CHODL: variants seen among roughly 807,000 people sequenced by gnomAD.
The protein encoded by CHODL is transmembrane protein MT75.
CHODL carries 29 observed loss-of-function variants against 34.5 expected under a neutral mutation model. That is an observed-to-expected ratio of 0.84 (90% confidence interval 0.63 to 1.15). The LOEUF (loss-of-function observed/expected upper bound fraction) is 1.15, where lower values mean the gene tolerates loss of function less well. Among genes scored for constraint, CHODL ranks in the 50% most tolerant of loss-of-function variants. The pLI is 0.00. For synonymous variants in CHODL, 125 were observed against 116.1 expected (o/e 1.08, Z -0.49); for missense variants, 332 against 332.5 (o/e 1.00, Z 0.01).
chr21:18,016,842 G>A (rs975755496), intron 1 of CHODL, among the ~76,000 whole-genome samples: 1 of 152,248 alleles, frequency 6.6e-6, no homozygotes, highest in Non-Finnish European at 1.5e-5. Flanking sequence ...ACTTGCATCA[G>A]TGTGGCTTGG....
At chr21:18,021,135 C>T (rs1218962306) in intron 1 of CHODL, among the ~76,000 whole-genome samples, 1 of 152,130 alleles carries the variant, frequency 6.6e-6, no homozygotes, top group African/African-American at 2.4e-5. Context: ...CCTGTTAATA[C>T]CATGGCCTTG....
chr21:17,943,469 C>T (rs1443359681), intron 1 of CHODL, among the ~76,000 whole-genome samples: 1 of 152,090 alleles, frequency 6.6e-6, no homozygotes, highest in Non-Finnish European at 1.5e-5. Flanking sequence ...TTGAGTGATA[C>T]AACAAGTGAT....
intron 5 of CHODL, among the ~76,000 whole-genome samples, chr21:18,263,576 T>C (rs1182880627): frequency 6.6e-6 from 1 of 152,098 alleles, no homozygotes; most frequent in Admixed American, 6.5e-5. Flanking sequence ...AAATTCAATA[T>C]AATGAAAATG....
intron 2 of CHODL, among the ~76,000 whole-genome samples, chr21:18,174,061 T>C (rs543248945): frequency 1.1e-5 from 1 of 94,588 alleles, no homozygotes; most frequent in East Asian, 2.3e-4. Context: ...TCATAAATAG[T>C]TTTTTGGCAG....
At chr21:18,093,943 G>A (rs1028141292) in intron 2 of CHODL, among the ~76,000 whole-genome samples, 1 of 151,988 alleles carries the variant, frequency 6.6e-6, no homozygotes, top group African/African-American at 2.4e-5. Context: ...TACACTTGCT[G>A]AATGGAAGAT....
At chr21:18,105,232 G>C (rs966489671) in intron 2 of CHODL, among the ~76,000 whole-genome samples, 2 of 152,178 alleles carry the variant, frequency 1.3e-5, no homozygotes, top group African/African-American at 4.8e-5. Flanking sequence ...ACAGCTGCAT[G>C]CCAGTGTGCA....
rs71189585 is a variant in CHODL at position 18,128,296 on chromosome 21, CAAAAAAAAAAAAAAAAAAAAAAAAAAAAA to C, written c.-45+100342_-45+100370del. ...AGCCTGGGTGACAGAGCAAGAGTCT[CAAAAAAAAAAAAAAAAAAAAAAAAAAAAA>C]AAAAAAAAAAAAAAAAGAAGAAGAA... On this transcript the variant is annotated intron_variant, in intron 2 of 6. Coordinates refer to the CHODL transcript ENST00000400127. Among the ~76,000 whole-genome samples the C allele has an allele frequency of 1.1e-3, 32 of 28,064 alleles. No homozygotes were observed. In the South Asian group the frequency reaches 0.058, roughly 50 times the overall value. The allele number at this position is 28,064 out of a possible 152,430, so 18.4% of individuals were successfully genotyped here. A position where few individuals can be genotyped will look rare whatever the true frequency, so the allele number is the denominator to read the frequency against.
rs150292863 is a variant in CHODL, at chr21:18,096,425, C to A, written c.-45+68454C>A. Among the ~76,000 whole-genome samples, 1,376 of 152,184 alleles carry A rather than the reference C, an allele frequency of 9.0e-3. 63 individuals carry two copies. In the East Asian group the frequency reaches 0.11, roughly 12 times the overall value. On this transcript the variant is annotated intron_variant, in intron 2 of 6. Transcript: ENST00000400127. The stretch of plus-strand genomic sequence containing the variant: ...GTCATATTTCTCTTCTTGCAGAAAG[C>A]GAATAGGAGAAATATTGCTGAATTA...
chr21:17,992,125 G>A (rs1248064861), intron 1 of CHODL, among the ~76,000 whole-genome samples: 1 of 152,088 alleles, frequency 6.6e-6, no homozygotes, highest in Non-Finnish European at 1.5e-5. Flanking sequence ...TTGAAAATAA[G>A]TTGGCTATGA....
intron 1 of CHODL, among the ~76,000 whole-genome samples, chr21:17,951,338 A>G (rs2146342009): frequency 6.6e-6 from 1 of 152,268 alleles, no homozygotes; most frequent in African/African-American, 2.4e-5. Context: ...ATTCTGTTCA[A>G]CTGTGTCTTT....
intron 2 of CHODL, among the ~76,000 whole-genome samples, chr21:18,224,232 C>T (rs2073910271): frequency 6.6e-6 from 1 of 152,114 alleles, no homozygotes; most frequent in Non-Finnish European, 1.5e-5. Context: ...TTTAGACCCC[C>T]TTGACAGACA....
chr21:18,174,150 T>TCTTG (rs2073273145), intron 2 of CHODL, among the ~76,000 whole-genome samples: 1 of 119,364 alleles, frequency 8.4e-6, no homozygotes, highest in Admixed American at 8.4e-5. Context: ...TATATATATA[T>TCTTG]ATATATATAT....
intron 1 of CHODL, among the ~76,000 whole-genome samples, chr21:17,943,734 C>G (rs562547526): frequency 1.3e-5 from 2 of 152,258 alleles, no homozygotes; most frequent in Admixed American, 1.3e-4. Flanking sequence ...CTCTCTGTCC[C>G]CCAAGTCAGC....
intron 2 of CHODL, among the ~76,000 whole-genome samples, chr21:18,150,966 C>T (rs532838659): frequency 8.6e-5 from 13 of 151,626 alleles, no homozygotes; most frequent in Non-Finnish European, 1.9e-4. Context: ...CACCTGTAAT[C>T]CTAGCTACTC....
intron 2 of CHODL, among the ~76,000 whole-genome samples, chr21:18,186,408 A>T (rs989723940): frequency 6.7e-6 from 1 of 150,058 alleles, no homozygotes; most frequent in African/African-American, 2.5e-5. Context: ...AAAAAAAAAA[A>T]TTAAAAAAAA....
At chr21:18,222,524 G>C (rs1005291456) in intron 2 of CHODL, among the ~76,000 whole-genome samples, 1 of 152,130 alleles carries the variant, frequency 6.6e-6, no homozygotes, top group Admixed American at 6.6e-5. Flanking sequence ...GGGCCTGTGA[G>C]AGCTGAGGGG....
intron 2 of CHODL, among the ~76,000 whole-genome samples, chr21:18,059,219 A>C (rs1355760890): frequency 6.6e-6 from 1 of 152,198 alleles, no homozygotes; most frequent in Non-Finnish European, 1.5e-5. Context: ...GTGAGGACAC[A>C]TGAAAGCGGC....
chr21:18,163,339 TA>T (rs1455623056), intron 2 of CHODL, among the ~76,000 whole-genome samples: 6 of 152,230 alleles, frequency 3.9e-5, no homozygotes, highest in African/African-American at 2.4e-5. Flanking sequence ...TGTCACTTTC[TA>T]AAAAAGTTAC....
intron 1 of CHODL, among the ~76,000 whole-genome samples, chr21:17,980,054 C>A (rs1274604285): frequency 6.6e-6 from 1 of 151,134 alleles, no homozygotes; most frequent in Non-Finnish European, 1.5e-5. Context: ...TGGGAATTGT[C>A]CCCTTCTTTT....
Sources: gnomAD v4.1 joint callset for allele counts (sites outside exome capture counted in the v4.1 genomes callset) on GRCh38, gnomAD v4.1.1 for gene constraint, MANE v1.5 for transcripts, NCBI Gene and HGNC (gene_info 2026-07-23, HGNC 2026-07-21) for gene names.